The following PKP4 variants were observed in gnomAD, a reference collection of about 807,000 sequenced individuals.
The protein encoded by PKP4 is plakophilin 4.
PKP4 carries 90 observed loss-of-function variants against 145.1 expected under a neutral mutation model. The observed-to-expected ratio is 0.62, with a 90% CI of 0.52 to 0.74. The LOEUF is 0.74. Ranked by LOEUF, PKP4 falls within the 30% of genes least tolerant of loss-of-function variation. The pLI is 0.00. For missense variants in PKP4, 1,340 were observed against 1,482.7 expected (o/e 0.90, Z 1.58); for synonymous variants, 563 against 577.2 (o/e 0.98, Z 0.35).
At chr2:158,513,711 T>C (rs1193718503) in intron 1 of PKP4, among the ~76,000 whole-genome samples, 1 of 152,236 alleles carries the variant, frequency 6.6e-6, no homozygotes, top group Non-Finnish European at 1.5e-5. Flanking sequence ...TCAGTTTGAC[T>C]CTTTGCCTCA....
At chr2:158,652,440 C>T (rs748105810) in intron 11 of PKP4, among the ~76,000 whole-genome samples, 8 of 152,098 alleles carry the variant, frequency 5.3e-5, no homozygotes, top group Non-Finnish European at 1.0e-4. Context: ...AAGAAAAAGC[C>T]GCAGAAGTTT....
intron 1 of PKP4, among the ~76,000 whole-genome samples, chr2:158,520,308 C>T (rs2042263662): frequency 6.6e-6 from 1 of 152,148 alleles, no homozygotes; most frequent in South Asian, 2.1e-4. Context: ...GAATGTTATA[C>T]AGGGCTGAGG....
chr2:158,586,001 C>G (rs2048772404), intron 3 of PKP4, among the ~76,000 whole-genome samples: 1 of 151,164 alleles, frequency 6.6e-6, no homozygotes, highest in East Asian at 1.9e-4. Flanking sequence ...CTCAACATTT[C>G]TAATAAATTA....
At chr2:158,668,502 C>T (rs1277769038) in intron 16 of PKP4, among the ~76,000 whole-genome samples, 3 of 152,222 alleles carry the variant, frequency 2.0e-5, no homozygotes, top group Non-Finnish European at 4.4e-5. Flanking sequence ...CTGAGGGGAC[C>T]GCCAGGCTCA....
intron 11 of PKP4, among the ~76,000 whole-genome samples, chr2:158,656,589 C>T (rs2055951673): frequency 1.3e-5 from 2 of 152,086 alleles, no homozygotes; most frequent in African/African-American, 4.8e-5. Flanking sequence ...ACAAGGGAAA[C>T]CAAATCAGCA....
chr2:158,504,172 A>G (rs1696988992), intron 1 of PKP4, among the ~76,000 whole-genome samples: 1 of 152,120 alleles, frequency 6.6e-6, no homozygotes, highest in Non-Finnish European at 1.5e-5. Flanking sequence ...ATAAATGACC[A>G]ATGTACATTT....
chr2:158,668,790 G>T (rs1206465426), intron 16 of PKP4, among the ~76,000 whole-genome samples: 1 of 152,160 alleles, frequency 6.6e-6, no homozygotes, highest in Admixed American at 6.5e-5. Flanking sequence ...ATGTAGCTGA[G>T]ACCTGTCTTC....
At chr2:158,491,058 T>C (rs1228489321) in intron 1 of PKP4, among the ~76,000 whole-genome samples, 1 of 152,202 alleles carries the variant, frequency 6.6e-6, no homozygotes, top group Non-Finnish European at 1.5e-5. Flanking sequence ...ATTTTTCACT[T>C]AGTTTATTTT....
chr2:158,669,943 A>C, intron 17 of PKP4, 28 bp downstream of exon 17: 21 of 1,566,082 alleles, frequency 1.3e-5, no homozygotes, highest in Admixed American at 1.8e-5. Context: ...AGGTGCAAGC[A>C]GTGCTCTTAT....
chr2:158,633,699 T>G (rs2053580775), intron 8 of PKP4, among the ~76,000 whole-genome samples: 1 of 152,234 alleles, frequency 6.6e-6, no homozygotes, highest in African/African-American at 2.4e-5. Context: ...TTTAATTACT[T>G]ACAAATTTGA....
At chr2:158,658,977 G>C (rs1434177850) in intron 12 of PKP4, 1 of 152,376 alleles carries the variant, frequency 6.6e-6, no homozygotes, top group Non-Finnish European at 1.5e-5. Flanking sequence ...TCCAGGACCC[G>C]TTTGAGCCTC....
At chr2:158,552,569 G>A (rs1215334251) in intron 2 of PKP4, among the ~76,000 whole-genome samples, 1 of 124,248 alleles carries the variant, frequency 8.0e-6, no homozygotes, top group Non-Finnish European at 1.8e-5. Flanking sequence ...GGTGGTTCTG[G>A]TGAGAGCTCA....
At chr2:158,539,681 C>T (rs1171206335) in intron 2 of PKP4, among the ~76,000 whole-genome samples, 4 of 152,148 alleles carry the variant, frequency 2.6e-5, no homozygotes, top group Non-Finnish European at 5.9e-5. Flanking sequence ...ACTGCAGCAT[C>T]TAACCCAAGA....
chr2:158,659,685 A>G (rs2528588), intron 12 of PKP4: 108,152 of 152,196 alleles, frequency 0.71, 39,894 homozygotes, highest in Admixed American at 0.81. Context: ...GGGGAAGACA[A>G]GAGTCATAGG....
At chr2:158,561,940 C>G (rs376162886) in intron 2 of PKP4, among the ~76,000 whole-genome samples, 1 of 150,234 alleles carries the variant, frequency 6.7e-6, no homozygotes, top group African/African-American at 2.5e-5. Context: ...CCCCCCACCC[C>G]CCGACAGGCC....
rs928979898 is a variant in PKP4, at chr2:158,563,246, A to G, written c.133-14025A>G. Among the ~76,000 whole-genome samples, 3 of 152,140 alleles carry G rather than the reference A, an allele frequency of 2.0e-5. No individual in the cohort carries two copies. In the South Asian group the frequency reaches 6.2e-4, roughly 31 times the overall value. On this transcript the variant is annotated intron_variant, in intron 2 of 21. Transcript: ENST00000389759. ...TACGTAAGCAAACAACTCTTACTCT[A>G]TTTTATTTACAAAAATTAATAACAA...
In PKP4 at chr2:158,624,997, G is replaced by A; in HGVS notation, c.723G>A (p.Leu241=). The change falls in exon 7 of 22, where the codon CTG becomes CTA. Residue 241 remains leucine (L), a synonymous_variant. Transcript: ENST00000389759. ...SPSRGSLRTS[L]GSGFGSPSVT... ...CAAGGGGGTCTCTGAGAACTTCTCT[G>A]GGTAGTGGATTTGGCTCTCCGTCAG... is the stretch of plus-strand genomic sequence containing the variant. 1 of 1,614,148 alleles carries A rather than the reference G, an allele frequency of 6.2e-7. No individual in the cohort carries two copies. The highest frequency in any genetic ancestry group is 8.5e-7 in the Non-Finnish European group (1 of 1,180,012).
intron 1 of PKP4, among the ~76,000 whole-genome samples, chr2:158,529,733 A>G (rs1231772946): frequency 6.6e-6 from 1 of 152,232 alleles, no homozygotes; most frequent in Admixed American, 6.5e-5. Context: ...TTTCTTTCCC[A>G]ATATGCTGCT....
chr2:158,474,160 A>G (rs977751327), intron 1 of PKP4, among the ~76,000 whole-genome samples: 7 of 152,320 alleles, frequency 4.6e-5, no homozygotes, highest in Non-Finnish European at 1.0e-4. Context: ...TCGACGACAG[A>G]TATTCTGCGT....
Sources: gnomAD v4.1 joint callset for allele counts (sites outside exome capture counted in the v4.1 genomes callset) on GRCh38, gnomAD v4.1.1 for gene constraint, MANE v1.5 for transcripts, NCBI Gene and HGNC (gene_info 2026-07-23, HGNC 2026-07-21) for gene names.